Variants in CARMIL2 observed in about 807,000 individuals in gnomAD.
CARMIL2 encodes capping protein regulator and myosin 1 linker 2, also known as capping protein, Arp2/3 and myosin-I linker protein 2.
CARMIL2 carries 96 observed loss-of-function variants against 173.3 expected under a neutral mutation model. The ratio of observed to expected loss-of-function variants is 0.55; its 90% CI spans 0.47 to 0.66. The LOEUF is 0.66. Among genes scored for constraint, CARMIL2 ranks in the 30% least tolerant of loss-of-function variants. The pLI, the probability that CARMIL2 is intolerant of heterozygous loss-of-function variation, is 0.00. For missense variants in CARMIL2, 1,771 were observed against 1,906.7 expected, an observed-to-expected ratio of 0.93 and a Z score of 1.33; for synonymous variants, 830 against 817.1, an observed-to-expected ratio of 1.02 and a Z score of -0.27.
Position 67,654,267 on chromosome 16 carries a change from G to T in CARMIL2, c.3221+18G>T. On this transcript the variant is annotated intron_variant, in intron 30 of 37. Coordinates refer to ENST00000334583, the MANE Select transcript of CARMIL2 (RefSeq NM_001013838.3). ...GATCGCCTGTGAGTGAGGGGCATCT[G>T]CTGGGGGTGGGAGAGGGTGGGATGC... 1 of 1,573,866 alleles carries T rather than the reference G, an allele frequency of 6.4e-7. No homozygotes were observed. The highest frequency in any genetic ancestry group is 8.6e-7 in the Non-Finnish European group (1 of 1,159,942).
Position 67,647,280 on chromosome 16 carries a change from G to A in CARMIL2, c.688-19G>A, listed in dbSNP as rs879539941. On this transcript the variant is annotated intron_variant, in intron 9 of 37. Transcript: ENST00000334583. ...AGGGCCAGGGTGCAGCCCGTGAGCC[G>A]CCGCCCTCTGCTTCTCAGAGCCTTG... The A allele has an allele frequency of 1.1e-5, 17 of 1,607,948 alleles. No individual in the cohort carries two copies. The highest frequency in any genetic ancestry group is 6.7e-5 in the East Asian group (3 of 44,724).
Position 67,648,476 on chromosome 16 carries a change from C to A in CARMIL2, c.1413C>A (p.Gly471=). The change falls in exon 15 of 38, where the codon GGC becomes GGA. Residue 471 remains glycine, a synonymous_variant. Coordinates refer to ENST00000334583, the MANE Select transcript of CARMIL2 (RefSeq NM_001013838.3). This position sits in a 1 kb window ranked among gnomAD's most constrained non-coding sequence, Gnocchi z 6.1. The part of the protein sequence containing the change: ...ARTLRHLGLA[G]CKLPPDALRA... ...CGCTGCGGCACCTGGGCCTGGCGGG[C>A]TGCAAGCTGCCGCCCGACGCGCTCA... 7.0e-7 allele frequency: 1 copy of A among 1,437,048 alleles called. No homozygotes were observed. The highest frequency in any genetic ancestry group is 9.1e-7 in the Non-Finnish European group (1 of 1,103,656). The allele number at this position is 1,437,048 out of a possible 1,614,324, so 89.0% of individuals were successfully genotyped here. A position where few individuals can be genotyped will look rare whatever the true frequency, so the allele number is the denominator to read the frequency against.
rs760181192 is a variant in CARMIL2, at chr16:67,649,280, G to A, written c.1715G>A (p.Arg572Gln). 4.3e-6 allele frequency: 7 copies of A among 1,613,068 alleles called. No individual in the cohort carries two copies. The highest frequency in any genetic ancestry group is 4.2e-6 in the Non-Finnish European group (5 of 1,179,714). The stretch of plus-strand genomic sequence containing the variant: ...GAGACCCTGGACGACGTCCTGCACC[G>A]GATTGTCCAGCTCATGCAGGACGAC... Reference protein sequence around the residue: ...CKETLDDVLHRIVQLMQDDDC... With the variant: ...CKETLDDVLHQIVQLMQDDDC... The change falls in exon 19 of 38, where the codon CGG (arginine) becomes CAG (glutamine). Residue 572 changes from arginine to glutamine, a missense_variant. By Grantham distance (43) the Arg-to-Gln change is conservative. Around this residue, in one of 3 missense-constraint regions of CARMIL2, gnomAD observed 944 missense variants for 975.6 expected, o/e 0.97. Transcript: ENST00000334583. The surrounding 1 kb of genome is among the most constrained non-coding windows in gnomAD (Gnocchi z 6.7).
At chr16:67,650,330 A>G (rs2052700503) in intron 22 of CARMIL2, 180 bp downstream of exon 22, 5 of 600,644 alleles carry the variant, frequency 8.3e-6, no homozygotes, top group Admixed American at 2.9e-5. Flanking sequence ...TAGCTCTCCA[A>G]ATAACACCCT....
Position 67,651,105 on chromosome 16 carries a change from T to C in CARMIL2, c.2185-82T>C. On this transcript the variant is annotated intron_variant, in intron 22 of 37. Coordinates refer to ENST00000334583, the MANE Select transcript of CARMIL2 (RefSeq NM_001013838.3). This position sits in a 1 kb window ranked among gnomAD's most constrained non-coding sequence, Gnocchi z 4.2. ...GTGTCAGCTTCAGGACCTCCCTCTG[T>C]TAAAGAGCCTGGGAGGAAGGCAGGC... is the stretch of plus-strand genomic sequence containing the variant. 6.6e-7 allele frequency: 1 copy of C among 1,521,772 alleles called. No individual in the cohort carries two copies. The highest frequency in any genetic ancestry group is 1.2e-5 in the South Asian group (1 of 81,900). 94.3% of individuals were successfully genotyped at this position (1,521,772 alleles called of 1,614,324 possible). A position where few individuals can be genotyped will look rare whatever the true frequency, so the allele number is the denominator to read the frequency against.
At chr16:67,655,498 CCTCTCAAGACA>C (rs1260808444) in intron 32 of CARMIL2, among the ~76,000 whole-genome samples, 1 of 152,242 alleles carries the variant, frequency 6.6e-6, no homozygotes, top group East Asian at 1.9e-4. Flanking sequence ...CCAGGGGCTT[CCTCTCAAGACA>C]CTGTTCAGAC....
At chr16:67,655,898 G>A in intron 32 of CARMIL2, 133 bp from the exon 33 acceptor site, 1 of 943,376 alleles carries the variant, frequency 1.1e-6, no homozygotes, top group Non-Finnish European at 1.6e-6. Context: ...TAAGAGGGCT[G>A]TACTGGGTTT....
At position 67,650,063 on chromosome 16, in the gene CARMIL2, C is replaced by G; in HGVS notation, c.2097C>G (p.Leu699=). 1.2e-6 allele frequency: 2 copies of G among 1,613,876 alleles called. No individual in the cohort carries two copies. Among genetic ancestry groups the G allele is most frequent in the Non-Finnish European group, 1.7e-6 (2 of 1,179,866 alleles). The part of the protein sequence containing the change: ...ARAVHQIQAC[L]LRNNRADPAS... ...CTTGCCCCTAGATCCAAGCCTGTCT[C>G]TTGAGGAACAACCGCGCAGACCCTG... The change falls in exon 22 of 38, where the codon CTC becomes CTG. Residue 699 remains leucine (L), a synonymous_variant. Transcript: ENST00000334583.
At position 67,652,630 on chromosome 16, in the gene CARMIL2, C is replaced by T; in HGVS notation, c.2884+92C>T. On this transcript the variant is annotated intron_variant, in intron 28 of 37. Coordinates refer to ENST00000334583, the MANE Select transcript of CARMIL2 (RefSeq NM_001013838.3). The surrounding 1 kb of genome is among the most constrained non-coding windows in gnomAD (Gnocchi z 4.7). Reference sequence around the variant, plus strand: ...CGGGGACCTGGATGAACTCATTCAGCCTTGTCTGGGTACCCACCAGCCCTT... The same window carrying T: ...CGGGGACCTGGATGAACTCATTCAGTCTTGTCTGGGTACCCACCAGCCCTT... 2 of 1,255,412 alleles carry T rather than the reference C, an allele frequency of 1.6e-6. No individual in the cohort carries two copies. The highest frequency in any genetic ancestry group is 2.3e-6 in the Non-Finnish European group (2 of 881,940). 77.8% of individuals were successfully genotyped at this position (1,255,412 alleles called of 1,614,324 possible).
In CARMIL2 at chr16:67,651,504, A is replaced by G; in HGVS notation, c.2417A>G (p.Gln806Arg). 1 of 1,588,060 alleles carries G rather than the reference A, an allele frequency of 6.3e-7. No homozygotes were observed. The highest frequency in any genetic ancestry group is 1.7e-5 in the Admixed American group (1 of 57,378). Residue 806 changes from glutamine to arginine, a missense_variant, in exon 24 of 38, where the codon CAG (glutamine) becomes CGG (arginine). Transcript: ENST00000334583. This position sits in a 1 kb window ranked among gnomAD's most constrained non-coding sequence, Gnocchi z 4.2. ...AGACAGGTGGGCGAGGTCTGCCGCC[A>G]GGACATCCAGGTGAGAGGGTACTCC... ...LLRQVGEVCR[Q>R]DIQDFTQATL...
At chr16:67,645,915 G>A (rs2052584830) in intron 3 of CARMIL2, 103 bp from the exon 4 acceptor site, 1 of 1,563,698 alleles carries the variant, frequency 6.4e-7, no homozygotes, top group Non-Finnish European at 8.8e-7. Context: ...CGACAGGAGG[G>A]GAGTCCAGGC....
chr16:67,649,408 C>T lies in CARMIL2; in HGVS notation c.1747-39C>T. The T allele has an allele frequency of 6.2e-7, 1 of 1,611,150 alleles. No individual in the cohort carries two copies. The highest frequency in any genetic ancestry group is 1.7e-5 in the Admixed American group (1 of 60,032). ...GACCCTGTGACCTGCCCTCACTGAC[C>T]CCTGACTCCAGCCATCAATGGCTTT... is the stretch of plus-strand genomic sequence containing the variant. On this transcript the variant is annotated intron_variant, in intron 19 of 37. Transcript: ENST00000334583. This position sits in a 1 kb window ranked among gnomAD's most constrained non-coding sequence, Gnocchi z 6.7.
intron 3 of CARMIL2, 25 bp from the exon 4 acceptor site, chr16:67,645,993 C>G: frequency 6.2e-7 from 1 of 1,613,514 alleles, no homozygotes; most frequent in Non-Finnish European, 8.5e-7. Flanking sequence ...GGGGCTTGGT[C>G]CCAGCTGATC....
chr16:67,651,182 C>G lies in CARMIL2; in HGVS notation c.2185-5C>G. 6.2e-7 allele frequency: 1 copy of G among 1,612,372 alleles called. No individual in the cohort carries two copies. Among genetic ancestry groups the G allele is most frequent in the Admixed American group, 1.7e-5 (1 of 59,870 alleles). On this transcript the variant is annotated splice_region_variant and splice_polypyrimidine_tract_variant and intron_variant, in intron 22 of 37. Coordinates refer to ENST00000334583, the MANE Select transcript of CARMIL2 (RefSeq NM_001013838.3). The surrounding 1 kb of genome is among the most constrained non-coding windows in gnomAD (Gnocchi z 4.2). ...AGGCTGAGACTGATCCCCATTTCGCCCCAGGAAGTGAATGAATTGTGTCAG... is the reference window on the plus strand; with the variant it reads ...AGGCTGAGACTGATCCCCATTTCGCGCCAGGAAGTGAATGAATTGTGTCAG...
chr16:67,653,242 G>T lies in CARMIL2; in HGVS notation c.3108G>T (p.Pro1036=), dbSNP rs897510258. The change falls in exon 29 of 38, where the codon CCG becomes CCT. Residue 1036 remains proline, a synonymous_variant. Transcript: ENST00000334583. This position sits in a 1 kb window ranked among gnomAD's most constrained non-coding sequence, Gnocchi z 7.4. ...PRRQHHHRPP[P]GGPQVPPALP... ...GCCAGCACCACCACCGCCCGCCGCC[G>T]GGGGGCCCCCAGGTGAGCACCCTTC... 1.2e-5 allele frequency: 13 copies of T among 1,124,904 alleles called. No individual in the cohort carries two copies. Among genetic ancestry groups the T allele is most frequent in the South Asian group, 4.3e-5 (1 of 23,326 alleles). The allele number at this position is 1,124,904 out of a possible 1,614,324, so 69.7% of individuals were successfully genotyped here.
chr16:67,647,097 G>C lies in CARMIL2; in HGVS notation c.612-19G>C, dbSNP rs2142913529. On this transcript the variant is annotated intron_variant, in intron 8 of 37. Transcript: ENST00000334583. Reference sequence around the variant, plus strand: ...CTGGAGGGCCCTGAGCTCTGCCTCTGTTCCCACCCTCCCACCAGGGACCTG... The same window carrying C: ...CTGGAGGGCCCTGAGCTCTGCCTCTCTTCCCACCCTCCCACCAGGGACCTG... 1 of 1,613,536 alleles carries C rather than the reference G, an allele frequency of 6.2e-7. No homozygotes were observed. Among genetic ancestry groups the C allele is most frequent in the East Asian group, 2.2e-5 (1 of 44,884 alleles).
At chr16:67,655,716 C>T (rs1394840670) in intron 32 of CARMIL2, among the ~76,000 whole-genome samples, 1 of 152,200 alleles carries the variant, frequency 6.6e-6, no homozygotes, top group Non-Finnish European at 1.5e-5. Context: ...GCCCATGGTT[C>T]TTCCCTGACT....
chr16:67,652,362 G>A lies in CARMIL2; in HGVS notation c.2817+23G>A. ...AAGGTAAGTGGTTTTAGAACACGGG[G>A]CATGGCACTCCCAGTCTTCCCATCT... On this transcript the variant is annotated intron_variant, in intron 27 of 37. Transcript: ENST00000334583. This position sits in a 1 kb window ranked among gnomAD's most constrained non-coding sequence, Gnocchi z 4.7. 6.2e-7 allele frequency: 1 copy of A among 1,612,748 alleles called. No individual in the cohort carries two copies. Among genetic ancestry groups the A allele is most frequent in the Non-Finnish European group, 8.5e-7 (1 of 1,179,396 alleles).
Position 67,645,268 on chromosome 16 carries a change from A to T in CARMIL2, c.22A>T (p.Ile8Phe). 1 of 1,603,658 alleles carries T rather than the reference A, an allele frequency of 6.2e-7. No homozygotes were observed. Among genetic ancestry groups the T allele is most frequent in the Non-Finnish European group, 8.5e-7 (1 of 1,175,826 alleles). The change falls in exon 1 of 38, where the codon ATC (isoleucine) becomes TTC (phenylalanine). Residue 8 changes from isoleucine (I) to phenylalanine (F), a missense_variant. By Grantham distance (21) the Ile-to-Phe change is conservative. This residue lies in a region of CARMIL2 where 944 missense variants were observed against 975.6 expected (regional missense o/e 0.97). Transcript: ENST00000334583. ...GCCCATGGCCCAGACCCCCGACGGCATCTCCTGTGAGCTCCGAGGTAAGCG... is the reference window on the plus strand; with the variant it reads ...GCCCATGGCCCAGACCCCCGACGGCTTCTCCTGTGAGCTCCGAGGTAAGCG... MAQTPDG[I>F]SCELRGEITR...
Sources: gnomAD v4.1 joint callset for allele counts (sites outside exome capture counted in the v4.1 genomes callset) on GRCh38, gnomAD v4.1.1 for gene constraint, gnomAD v4.1.1 regional missense constraint, Gnocchi (gnomAD v3.1) non-coding constraint, MANE v1.5 for transcripts, NCBI Gene and HGNC (gene_info 2026-07-23, HGNC 2026-07-21) for gene names.